The following UST variants were observed in gnomAD, a reference collection of about 807,000 sequenced individuals.
The protein encoded by UST is uronyl 2-sulfotransferase, also known as chondroitin sulfate 2-O-sulfotransferase.
UST carries 21 observed loss-of-function variants against 45.6 expected under a neutral mutation model. The ratio of observed to expected loss-of-function variants is 0.46; its 90% CI spans 0.33 to 0.66. The LOEUF is 0.66. UST is among the 30% of genes least tolerant of loss of function. UST has a pLI of 0.02. For synonymous variants in UST, 215 were observed against 200.6 expected, an observed-to-expected ratio of 1.07 and a Z score of -0.61; for missense variants, 463 against 512.4, an observed-to-expected ratio of 0.90 and a Z score of 0.93.
At chr6:149,032,765 CAG>C (rs1046770447) in intron 7 of UST, among the ~76,000 whole-genome samples, 2 of 152,176 alleles carry the variant, frequency 1.3e-5, no homozygotes, top group African/African-American at 4.8e-5. Flanking sequence ...CCCAGTTACT[CAG>C]TGTGGTCAGA....
At chr6:148,991,836 G>A (rs548058188) in intron 5 of UST, among the ~76,000 whole-genome samples, 5 of 152,218 alleles carry the variant, frequency 3.3e-5, no homozygotes, top group Middle Eastern at 3.4e-3. Context: ...GCCCTGAAAA[G>A]TGAATCCTTA....
At position 148,880,312 on chromosome 6, in the gene UST, C is replaced by G. The variant is rs114674725; in HGVS notation, c.248-6674C>G. Among the ~76,000 whole-genome samples, 976 of 152,304 alleles carry G rather than the reference C, an allele frequency of 6.4e-3. 9 individuals are homozygous for G. The highest frequency in any genetic ancestry group is 0.022 in the African/African-American group (928 of 41,558). Reference sequence around the variant, plus strand: ...CATAGAAGACTTAGGTGGTCTTGGACAGCAAACATGCCTTGGTTCTGCCAG... The same window carrying G: ...CATAGAAGACTTAGGTGGTCTTGGAGAGCAAACATGCCTTGGTTCTGCCAG... On this transcript the variant is annotated intron_variant, in intron 1 of 7. Transcript: ENST00000367463.
intron 2 of UST, among the ~76,000 whole-genome samples, chr6:148,933,616 C>T (rs563576215): frequency 8.5e-5 from 13 of 152,190 alleles, no homozygotes; most frequent in African/African-American, 2.9e-4. Context: ...ATTCTGAGAT[C>T]GGTTCTGTGT....
chr6:148,862,011 A>G (rs548852427), intron 1 of UST, among the ~76,000 whole-genome samples: 3 of 152,204 alleles, frequency 2.0e-5, no homozygotes, highest in East Asian at 1.9e-4. Context: ...TGTCTATTAG[A>G]TCTGCTTGGT....
intron 1 of UST, among the ~76,000 whole-genome samples, chr6:148,797,199 C>T (rs34079103): frequency 0.2 from 30,199 of 152,100 alleles, 3,659 homozygotes; most frequent in Admixed American, 0.26. Flanking sequence ...AGCACTTGAA[C>T]CCAGGAGTTC....
chr6:148,791,909 C>G (rs1294329392), intron 1 of UST, among the ~76,000 whole-genome samples: 1 of 152,180 alleles, frequency 6.6e-6, no homozygotes, highest in Non-Finnish European at 1.5e-5. Flanking sequence ...TCACATGATG[C>G]AGGATGCTGT....
chr6:148,778,179 C>T (rs778279486), intron 1 of UST, among the ~76,000 whole-genome samples: 2 of 152,212 alleles, frequency 1.3e-5, no homozygotes, highest in Admixed American at 6.5e-5. Flanking sequence ...TTTTAACCTT[C>T]ACCTTAGCTA....
chr6:148,810,216 G>A (rs900475), intron 1 of UST, among the ~76,000 whole-genome samples: 114,720 of 152,092 alleles, frequency 0.75, 43,857 homozygotes, highest in East Asian at 0.98. Flanking sequence ...GAAGAGAGTG[G>A]ACCAGTAGCC....
intron 1 of UST, among the ~76,000 whole-genome samples, chr6:148,802,432 A>G (rs1777071807): frequency 6.6e-6 from 1 of 152,228 alleles, no homozygotes; most frequent in Non-Finnish European, 1.5e-5. Flanking sequence ...ATGTAAGTTT[A>G]TTTAAGGCTC....
Position 148,747,556 on chromosome 6 carries a change from C to T in UST, c.126C>T (p.Arg42=). 6.4e-7 allele frequency: 1 copy of T among 1,572,932 alleles called. No individual in the cohort carries two copies. The highest frequency in any genetic ancestry group is 8.6e-7 in the Non-Finnish European group (1 of 1,161,276). ...KRRVPLLPFL[R]FSLRDYGFCM... Reference sequence around the variant, plus strand: ...GGGTGCCCCTGCTGCCTTTCCTGCGCTTCTCCCTCCGGGACTACGGCTTCT... The same window carrying T: ...GGGTGCCCCTGCTGCCTTTCCTGCGTTTCTCCCTCCGGGACTACGGCTTCT... The change falls in exon 1 of 8, where the codon CGC becomes CGT. Residue 42 remains arginine, a synonymous_variant. Coordinates refer to ENST00000367463, the MANE Select transcript of UST (RefSeq NM_005715.3).
intron 1 of UST, among the ~76,000 whole-genome samples, chr6:148,764,766 G>T (rs1203811619): frequency 6.6e-6 from 1 of 152,176 alleles, no homozygotes; most frequent in Admixed American, 6.5e-5. Flanking sequence ...AAGGTCACAA[G>T]GCAGAAGGTC....
At chr6:149,039,735 G>A (rs529299732) in intron 7 of UST, among the ~76,000 whole-genome samples, 1 of 152,228 alleles carries the variant, frequency 6.6e-6, no homozygotes, top group Non-Finnish European at 1.5e-5. Context: ...GGCCACAACT[G>A]AGCAGCGAGG....
At chr6:148,863,481 T>C (rs6914000) in intron 1 of UST, among the ~76,000 whole-genome samples, 95,174 of 152,052 alleles carry the variant, frequency 0.63, 31,104 homozygotes, top group East Asian at 0.98. Context: ...TATTACTGAT[T>C]GTCTGAAGCC....
chr6:148,794,157 TG>T (rs1263851125), intron 1 of UST, among the ~76,000 whole-genome samples: 1 of 152,228 alleles, frequency 6.6e-6, no homozygotes, highest in Non-Finnish European at 1.5e-5. Flanking sequence ...AATTATTTGA[TG>T]CTGTCATATT....
chr6:148,845,431 C>T (rs1419643165), intron 1 of UST, among the ~76,000 whole-genome samples: 1 of 152,132 alleles, frequency 6.6e-6, no homozygotes, highest in Non-Finnish European at 1.5e-5. Flanking sequence ...TCCACTACAT[C>T]AGTGGTTCAT....
At chr6:148,918,199 C>T (rs1352302660) in intron 2 of UST, among the ~76,000 whole-genome samples, 1 of 152,222 alleles carries the variant, frequency 6.6e-6, no homozygotes, top group Non-Finnish European at 1.5e-5. Flanking sequence ...ACTCCCAAAT[C>T]AATTGGACTT....
intron 1 of UST, among the ~76,000 whole-genome samples, chr6:148,760,453 A>G (rs1776192860): frequency 6.6e-6 from 1 of 152,082 alleles, no homozygotes; most frequent in Non-Finnish European, 1.5e-5. Flanking sequence ...GCCTCCATCC[A>G]TTTTTTGCTG....
intron 7 of UST, among the ~76,000 whole-genome samples, chr6:149,065,115 G>T (rs1243346214): frequency 1.3e-5 from 2 of 152,116 alleles, no homozygotes; most frequent in African/African-American, 4.8e-5. Context: ...CTTCTTCATG[G>T]TTAATCCGAC....
At chr6:149,057,021 CT>C (rs1455597689) in intron 7 of UST, among the ~76,000 whole-genome samples, 6 of 152,180 alleles carry the variant, frequency 3.9e-5, no homozygotes, top group Admixed American at 1.3e-4. Flanking sequence ...GCTCTTGAGA[CT>C]CACCATTGGT....
Sources: allele counts gnomAD v4.1 joint callset (sites outside exome capture counted in the v4.1 genomes callset), GRCh38; gene constraint gnomAD v4.1.1; transcripts MANE v1.5; gene names NCBI Gene and HGNC (gene_info 2026-07-23, HGNC 2026-07-21).